Variants in HTR3C observed in about 807,000 individuals in gnomAD.
HTR3C encodes 5-HT3-C.
Under a neutral mutation model 40.5 loss-of-function variants are expected in HTR3C, and 32 were observed. The observed-to-expected ratio is 0.79, with a 90% CI of 0.60 to 1.06. HTR3C has a LOEUF of 1.06. Ranked by LOEUF, HTR3C falls within the 50% of genes least tolerant of loss-of-function variation. The probability of loss-of-function intolerance (pLI) is 0.00; values close to 1 mark genes in which losing one functional copy is unlikely to be tolerated. For synonymous variants in HTR3C, 209 were observed against 217.1 expected (o/e 0.96, Z 0.33); for missense variants, 523 against 556.8 (o/e 0.94, Z 0.61).
intron 5 of HTR3C, 133 bp downstream of exon 5, chr3:184,057,177 A>G (rs1723345531): frequency 1.6e-6 from 1 of 611,440 alleles, no homozygotes; most frequent in Non-Finnish European, 2.8e-6. Context: ...GAAAATACCA[A>G]TAACTGGCCA....
chr3:184,056,828 A>G (rs1406298842), intron 4 of HTR3C, 47 bp from the exon 5 acceptor site: 1 of 1,516,940 alleles, frequency 6.6e-7, no homozygotes, highest in Admixed American at 1.8e-5. Flanking sequence ...AGGAAGGGAG[A>G]CAAGAGCTGA....
At chr3:184,059,665 G>T in intron 7 of HTR3C, 25 bp downstream of exon 7, 1 of 1,613,032 alleles carries the variant, frequency 6.2e-7, no homozygotes, top group East Asian at 2.2e-5. Context: ...ACTTTCAGGA[G>T]GAGAAAGGGC....
intron 3 of HTR3C, among the ~76,000 whole-genome samples, chr3:184,055,884 C>CAAAAAA (rs71185686): frequency 0.01 from 311 of 30,708 alleles, 83 homozygotes; most frequent in Middle Eastern, 0.045. Context: ...AATAGCAACT[C>CAAAAAA]AAAAAAAAAA....
At chr3:184,055,226 A>C (rs1027567297) in intron 2 of HTR3C, 86 bp from the exon 3 acceptor site, 1 of 921,970 alleles carries the variant, frequency 1.1e-6, no homozygotes, top group Non-Finnish European at 1.8e-6. Context: ...TGGCCCAATA[A>C]ATTAGTAAAT....
At chr3:184,058,710 A>C in intron 6 of HTR3C, 123 bp downstream of exon 6, 1 of 1,071,674 alleles carries the variant, frequency 9.3e-7, no homozygotes, top group Non-Finnish European at 1.3e-6. Context: ...CACACCTGTA[A>C]TCCCAGTACT....
rs577482775 is a variant in HTR3C, at chr3:184,057,719, A to G, written c.559+675A>G. ...CACTGCACTCCAGCCTGGGCGACAG[A>G]GCGAGACTCCGTCTCAAAACAAAAC... On this transcript the variant is annotated intron_variant, in intron 5 of 8. Coordinates refer to ENST00000318351, the MANE Select transcript of HTR3C (RefSeq NM_130770.3). Among the ~76,000 whole-genome samples the G allele has an allele frequency of 1.8e-4, 27 of 150,966 alleles. No individual in the cohort carries two copies. In the South Asian group the frequency reaches 2.5e-3, roughly 14 times the overall value.
At chr3:184,059,712 G>A (rs1050005364) in intron 7 of HTR3C, 72 bp downstream of exon 7, 206 of 1,590,268 alleles carry the variant, frequency 1.3e-4, no homozygotes, top group Non-Finnish European at 1.7e-4. Flanking sequence ...AGAAATGGCC[G>A]CTGCTCCACT....
Position 184,056,948 on chromosome 3 carries a change from C to T in HTR3C, c.463C>T (p.Pro155Ser). The T allele has an allele frequency of 6.2e-7, 1 of 1,613,548 alleles. No individual in the cohort carries two copies. Among genetic ancestry groups the T allele is most frequent in the Non-Finnish European group, 8.5e-7 (1 of 1,179,620 alleles). ...TGAAGGTCGAATTAAGTATGATAAG[C>T]CAATGAGGGTGACCAGCATCTGTAA... ...SSEGRIKYDK[P>S]MRVTSICNLD... is the part of the protein sequence containing the mutation. Residue 155 changes from proline to serine, a missense_variant, in exon 5 of 9, where the codon CCA (proline) becomes TCA (serine). Transcript: ENST00000318351.
In HTR3C at chr3:184,054,851, C is replaced by G. The variant is rs1162392331; in HGVS notation, c.198C>G (p.Val66=). The change falls in exon 2 of 9, where the codon GTC becomes GTG. Residue 66 remains valine (V), a synonymous_variant. Transcript: ENST00000318351. ...PFTNYSIPTR[V]NISFTLSAIL... is the part of the protein sequence containing the mutation. ...CCAACTACAGCATCCCTACCCGTGTCAACATCTCCTTCACCCTGTCTGCCA... is the reference window on the plus strand; with the variant it reads ...CCAACTACAGCATCCCTACCCGTGTGAACATCTCCTTCACCCTGTCTGCCA... 1 of 1,612,234 alleles carries G rather than the reference C, an allele frequency of 6.2e-7. No homozygotes were observed. Among genetic ancestry groups the G allele is most frequent in the South Asian group, 1.1e-5 (1 of 90,822 alleles).
chr3:184,055,426 T>A, intron 3 of HTR3C, 70 bp downstream of exon 3: 1 of 1,176,152 alleles, frequency 8.5e-7, no homozygotes, highest in Non-Finnish European at 1.3e-6. Context: ...AGAAGTGACT[T>A]AAAGGGGCCA....
chr3:184,059,177 T>C (rs1723389800), intron 6 of HTR3C, among the ~76,000 whole-genome samples: 1 of 152,078 alleles, frequency 6.6e-6, no homozygotes, highest in Non-Finnish European at 1.5e-5. Context: ...AGCTCACCCC[T>C]ACTGCTCAGA....
rs377279600 is a variant in HTR3C, at chr3:184,056,867, C to G, written c.390-8C>G. ...AGCCTCCATCTCTTCCCTCCCTTCC[C>G]CAAACAGCATGGATGTGGATCAGAC... On this transcript the variant is annotated splice_region_variant and splice_polypyrimidine_tract_variant and intron_variant, in intron 4 of 8. Coordinates refer to ENST00000318351, the MANE Select transcript of HTR3C (RefSeq NM_130770.3). 8.2e-6 allele frequency: 13 copies of G among 1,588,812 alleles called. No homozygotes were observed. Among genetic ancestry groups the G allele is most frequent in the Non-Finnish European group, 1.0e-5 (12 of 1,162,878 alleles).
In HTR3C at chr3:184,060,564, C is replaced by G; in HGVS notation, c.*212C>G. ...TGCTCAGGCTGCTCATTCCTGCTCACCCTCAGTCTCCCTGAGCTACCACCT... is the reference window on the plus strand; with the variant it reads ...TGCTCAGGCTGCTCATTCCTGCTCAGCCTCAGTCTCCCTGAGCTACCACCT... On this transcript the variant is annotated 3_prime_UTR_variant, in exon 9 of 9. Coordinates refer to ENST00000318351, the MANE Select transcript of HTR3C (RefSeq NM_130770.3). 1 of 612,000 alleles carries G rather than the reference C, an allele frequency of 1.6e-6. No homozygotes were observed. The highest frequency in any genetic ancestry group is 2.9e-6 in the Non-Finnish European group (1 of 348,730). 37.9% of individuals were successfully genotyped at this position (612,000 alleles called of 1,614,324 possible).
At chr3:184,054,328 C>T (rs1723280552) in intron 1 of HTR3C, among the ~76,000 whole-genome samples, 1 of 152,158 alleles carries the variant, frequency 6.6e-6, no homozygotes, top group Admixed American at 6.5e-5. Flanking sequence ...GAGAGAAATA[C>T]ATTAGCATCG....
At chr3:184,055,385 A>C (rs1398220302) in intron 3 of HTR3C, 29 bp downstream of exon 3, 8 of 1,518,214 alleles carry the variant, frequency 5.3e-6, no homozygotes, top group Non-Finnish European at 7.3e-6. Context: ...TCTCCTCCCC[A>C]CTTCATTTAT....
At chr3:184,057,460 C>CA (rs1723351039) in intron 5 of HTR3C, among the ~76,000 whole-genome samples, 1 of 151,876 alleles carries the variant, frequency 6.6e-6, no homozygotes, top group Non-Finnish European at 1.5e-5. Context: ...ACAGGCAGGG[C>CA]GCAGTGGCTC....
intron 3 of HTR3C, 116 bp from the exon 4 acceptor site, chr3:184,056,061 T>C: frequency 1.5e-6 from 1 of 677,592 alleles, no homozygotes; most frequent in Non-Finnish European, 2.7e-6. Flanking sequence ...CTGTGGTTAT[T>C]AGGGTCACAA....
chr3:184,058,292 T>C, intron 5 of HTR3C, 135 bp from the exon 6 acceptor site: 1 of 811,176 alleles, frequency 1.2e-6, no homozygotes, highest in Non-Finnish European at 1.8e-6. Context: ...AACCCACTTC[T>C]GAGAAAACCA....
chr3:184,055,002 A>T, intron 2 of HTR3C, 115 bp downstream of exon 2: 1 of 1,023,020 alleles, frequency 9.8e-7, no homozygotes, highest in Non-Finnish European at 1.4e-6. Flanking sequence ...CCCTGGATGG[A>T]TTTAACGCAA....
Sources: gnomAD v4.1 joint callset for allele counts (sites outside exome capture counted in the v4.1 genomes callset) on GRCh38, gnomAD v4.1.1 for gene constraint, MANE v1.5 for transcripts, NCBI Gene and HGNC (gene_info 2026-07-23, HGNC 2026-07-21) for gene names.